The following ZMYM4 variants were observed in gnomAD, a reference collection of about 807,000 sequenced individuals.
ZMYM4 encodes the protein zinc finger MYM-type containing 4.
In ZMYM4, 31 loss-of-function variants were observed where a neutral mutation model predicts 183.2. The observed-to-expected ratio is 0.17, with a 90% CI of 0.13 to 0.23. ZMYM4 has a LOEUF of 0.23. Among genes scored for constraint, ZMYM4 ranks in the 10% least tolerant of loss-of-function variants. The pLI is 1.00. For synonymous variants in ZMYM4, 592 were observed against 631.2 expected (o/e 0.94, Z 0.93); for missense variants, 1,273 against 1,840.3 (o/e 0.69, Z 5.64).
At chr1:35,410,425 C>A (rs1639835409) in intron 26 of ZMYM4, among the ~76,000 whole-genome samples, 1 of 151,764 alleles carries the variant, frequency 6.6e-6, no homozygotes, top group South Asian at 2.1e-4. Context: ...TTTTCACTCT[C>A]TTGGTGTAGT....
chr1:35,276,870 G>A lies in ZMYM4; in HGVS notation c.39+7785G>A, dbSNP rs953293557. ...GATCCACCCGCCTCCGCCTCCCAAA[G>A]TGCTGGGATTATAGGCATGAGCCAC... On this transcript the variant is annotated intron_variant, in intron 1 of 29. Coordinates refer to ENST00000314607, the MANE Select transcript of ZMYM4 (RefSeq NM_005095.3). Among the ~76,000 whole-genome samples the A allele has an allele frequency of 7.9e-5, 12 of 152,240 alleles. 2 individuals carry two copies. The highest frequency in any genetic ancestry group is 2.4e-4 in the African/African-American group (10 of 41,560).
intron 2 of ZMYM4, chr1:35,351,362 T>C: frequency 3.2e-6 from 5 of 1,574,108 alleles, no homozygotes; most frequent in African/African-American, 1.3e-5. Context: ...TGAAAGAAGA[T>C]GAAGATGCTT....
At chr1:35,351,417 G>C (rs890382049) in intron 2 of ZMYM4, 4 of 1,571,052 alleles carry the variant, frequency 2.5e-6, no homozygotes, top group Non-Finnish European at 2.6e-6. Context: ...CGTAACTCCA[G>C]ACATGATGGA....
At chr1:35,299,368 A>G (rs777597989) in intron 1 of ZMYM4, among the ~76,000 whole-genome samples, 7 of 152,334 alleles carry the variant, frequency 4.6e-5, no homozygotes, top group Admixed American at 3.3e-4. Context: ...AAAAAAAAGC[A>G]GAGATTATTG....
chr1:35,385,307 T>C (rs1313174162), intron 9 of ZMYM4, 135 bp from the exon 10 acceptor site: 3 of 934,642 alleles, frequency 3.2e-6, no homozygotes, highest in Non-Finnish European at 4.7e-6. Flanking sequence ...AAACTTCCTA[T>C]TGAGGATTAC....
intron 25 of ZMYM4, among the ~76,000 whole-genome samples, chr1:35,405,689 C>T (rs1644989652): frequency 6.6e-6 from 1 of 151,512 alleles, no homozygotes; most frequent in South Asian, 2.1e-4. Flanking sequence ...TTATTTTTGA[C>T]ACTGTGCAAG....
At chr1:35,294,134 CAAA>C (rs566640178) in intron 1 of ZMYM4, among the ~76,000 whole-genome samples, 5 of 126,970 alleles carry the variant, frequency 3.9e-5, no homozygotes, top group African/African-American at 5.3e-5. Flanking sequence ...GACACTGTCT[CAAA>C]AAAAAAAAAA....
intron 7 of ZMYM4, among the ~76,000 whole-genome samples, chr1:35,372,836 A>T (rs1050028097): frequency 9.2e-5 from 14 of 152,276 alleles, no homozygotes; most frequent in South Asian, 6.2e-4. Context: ...GGATTTCTGG[A>T]TTAGGGATAC....
chr1:35,402,037 T>C (rs989857866), intron 23 of ZMYM4, among the ~76,000 whole-genome samples: 1 of 151,846 alleles, frequency 6.6e-6, no homozygotes, highest in African/African-American at 2.4e-5. Context: ...ATTAAGAGTG[T>C]AAATCTTCCA....
chr1:35,271,001 G>T (rs893311855), intron 1 of ZMYM4, among the ~76,000 whole-genome samples: 2 of 152,136 alleles, frequency 1.3e-5, no homozygotes, highest in Non-Finnish European at 2.9e-5. Flanking sequence ...AAATAGTTTT[G>T]TAAGTATAAA....
At chr1:35,284,779 C>CTTAGTG in intron 1 of ZMYM4, among the ~76,000 whole-genome samples, 1 of 152,252 alleles carries the variant, frequency 6.6e-6, no homozygotes, top group South Asian at 2.1e-4. Flanking sequence ...CATGTGATTT[C>CTTAGTG]TTAGTGTTTG....
rs1357714045 is a variant in ZMYM4, at chr1:35,398,899, G to A, written c.3289G>A (p.Glu1097Lys). 1.9e-6 allele frequency: 3 copies of A among 1,614,106 alleles called. No individual in the cohort carries two copies. Among genetic ancestry groups the A allele is most frequent in the East Asian group, 4.5e-5 (2 of 44,870 alleles). ...TACATACAGTGGTGATCTTGAATCA[G>A]AGGCAGTATCTACTCCACATAGCTG... ...GSTYSGDLESEAVSTPHSWEE... is the reference protein window; with the variant it reads ...GSTYSGDLESKAVSTPHSWEE... The change falls in exon 22 of 30, where the codon GAG becomes AAG. Residue 1097 changes from glutamate to lysine, a missense_variant. By Grantham distance (56) the Glu-to-Lys change is moderately conservative. Around this residue, in one of 6 missense-constraint regions of ZMYM4, gnomAD observed 290 missense variants for 353.3 expected, o/e 0.82. Transcript: ENST00000314607.
At chr1:35,382,150 A>G (rs1558131699) in intron 9 of ZMYM4, among the ~76,000 whole-genome samples, 1 of 149,162 alleles carries the variant, frequency 6.7e-6, no homozygotes, top group Non-Finnish European at 1.5e-5. Flanking sequence ...CGTCTCAAAA[A>G]AAAAAAAACA....
At chr1:35,290,075 C>G (rs1399018307) in intron 1 of ZMYM4, among the ~76,000 whole-genome samples, 1 of 152,028 alleles carries the variant, frequency 6.6e-6, no homozygotes, top group African/African-American at 2.4e-5. Flanking sequence ...TCAAGTGATT[C>G]TCCCACCTCA....
rs889676230 is a variant in ZMYM4, at chr1:35,354,791, A to G, written c.86-4134A>G. Among the ~76,000 whole-genome samples, 5 of 150,544 alleles carry G rather than the reference A, an allele frequency of 3.3e-5. No individual in the cohort carries two copies. In the East Asian group the frequency reaches 7.8e-4, roughly 23 times the overall value. ...TTGGGTCAAGAGTTCTGTGTATTCA[A>G]AGTATCAAAAACATTGCCTAATTGC... On this transcript the variant is annotated intron_variant, in intron 2 of 29. Transcript: ENST00000314607.
At chr1:35,354,352 GT>G (rs1403479735) in intron 2 of ZMYM4, among the ~76,000 whole-genome samples, 1 of 152,150 alleles carries the variant, frequency 6.6e-6, no homozygotes, top group African/African-American at 2.4e-5. Context: ...CACATACGCT[GT>G]TTTCAGTCTT....
intron 1 of ZMYM4, among the ~76,000 whole-genome samples, chr1:35,274,457 T>G (rs1159156994): frequency 6.6e-6 from 1 of 151,976 alleles, no homozygotes; most frequent in Non-Finnish European, 1.5e-5. Context: ...ATTAAAAAAA[T>G]TACCCGAGGT....
chr1:35,303,380 T>C (rs1641380921), intron 1 of ZMYM4, among the ~76,000 whole-genome samples: 1 of 152,116 alleles, frequency 6.6e-6, no homozygotes, highest in Non-Finnish European at 1.5e-5. Context: ...TGATCTCTCT[T>C]TCATTCCTGA....
At chr1:35,350,665 C>T (rs1469123269) in intron 2 of ZMYM4, 5 of 275,198 alleles carry the variant, frequency 1.8e-5, no homozygotes, top group African/African-American at 6.8e-5. Context: ...CCACTCCCAG[C>T]ACTGCTGGGC....
Sources: gnomAD v4.1 joint callset for allele counts (sites outside exome capture counted in the v4.1 genomes callset) on GRCh38, gnomAD v4.1.1 for gene constraint, gnomAD v4.1.1 regional missense constraint, MANE v1.5 for transcripts, NCBI Gene and HGNC (gene_info 2026-07-23, HGNC 2026-07-21) for gene names.